DIS3L2: variants seen among roughly 807,000 people sequenced by gnomAD.
DIS3L2 encodes DIS3-like exonuclease 2.
In DIS3L2, 34 loss-of-function variants were observed where a neutral mutation model predicts 97.5. The ratio of observed to expected loss-of-function variants is 0.35; its 90% CI spans 0.27 to 0.46. The LOEUF is 0.46. DIS3L2 is among the 20% of genes least tolerant of loss of function. The pLI, the probability that DIS3L2 is intolerant of heterozygous loss-of-function variation, is 1.00. For synonymous variants in DIS3L2, 435 were observed against 445.2 expected (o/e 0.98, Z 0.29); for missense variants, 1,038 against 1,146.0 (o/e 0.91, Z 1.36).
chr2:232,010,007 C>G (rs1318799063), intron 1 of DIS3L2, among the ~76,000 whole-genome samples: 1 of 152,164 alleles, frequency 6.6e-6, no homozygotes, highest in Non-Finnish European at 1.5e-5. Flanking sequence ...ACAGCTTGTC[C>G]TACCCTGGTA....
At chr2:232,314,134 C>G (rs1459011482) in intron 14 of DIS3L2, among the ~76,000 whole-genome samples, 4 of 152,182 alleles carry the variant, frequency 2.6e-5, no homozygotes, top group Non-Finnish European at 5.9e-5. Flanking sequence ...GCCTGTGGCC[C>G]TAAAGGGCTG....
chr2:232,286,396 A>C (rs533407575), intron 13 of DIS3L2, among the ~76,000 whole-genome samples: 1 of 152,306 alleles, frequency 6.6e-6, no homozygotes, highest in Admixed American at 6.5e-5. Flanking sequence ...CTGCGGCCCA[A>C]GGAGTCCTAC....
At chr2:232,099,259 A>C (rs985476789) in intron 6 of DIS3L2, among the ~76,000 whole-genome samples, 1 of 151,506 alleles carries the variant, frequency 6.6e-6, no homozygotes, top group African/African-American at 2.4e-5. Context: ...TGTGTTGCCC[A>C]GGCTAGAGTG....
At chr2:232,031,655 G>A (rs908933329) in intron 5 of DIS3L2, among the ~76,000 whole-genome samples, 1 of 151,244 alleles carries the variant, frequency 6.6e-6, no homozygotes, top group South Asian at 2.1e-4. Flanking sequence ...CCCCTTGTCC[G>A]CACCCACCGA....
intron 5 of DIS3L2, among the ~76,000 whole-genome samples, chr2:232,042,171 A>C (rs1328299226): frequency 6.6e-6 from 1 of 152,200 alleles, no homozygotes; most frequent in East Asian, 1.9e-4. Flanking sequence ...AAATGCAGAA[A>C]TCAAAGTACA....
At chr2:232,142,032 A>G (rs185267904) in intron 8 of DIS3L2, among the ~76,000 whole-genome samples, 456 of 152,322 alleles carry the variant, frequency 3.0e-3, no homozygotes, top group African/African-American at 9.9e-3. Context: ...ACTGTATCCA[A>G]TCTTTCCCTT....
chr2:232,080,900 C>CAA (rs34838591), intron 5 of DIS3L2, among the ~76,000 whole-genome samples: 2,428 of 116,222 alleles, frequency 0.021, 109 homozygotes, highest in African/African-American at 0.071. Flanking sequence ...AGCTCTGTCT[C>CAA]AAAAAAAAAA....
At chr2:232,315,071 C>T (rs769837445) in intron 14 of DIS3L2, among the ~76,000 whole-genome samples, 13 of 152,154 alleles carry the variant, frequency 8.5e-5, no homozygotes, top group African/African-American at 3.1e-4. Context: ...TACTGCCAGG[C>T]GGTCTTTAAA....
At chr2:232,034,616 T>C (rs1426148865) in intron 5 of DIS3L2, among the ~76,000 whole-genome samples, 1 of 152,222 alleles carries the variant, frequency 6.6e-6, no homozygotes, top group Non-Finnish European at 1.5e-5. Flanking sequence ...GTGCTATAAA[T>C]TTCCTTCTAA....
At position 232,130,894 on chromosome 2, in the gene DIS3L2, C is replaced by G; in HGVS notation, c.702+175C>G. The G allele has an allele frequency of 5.3e-6, 5 of 941,030 alleles. No individual in the cohort carries two copies. The South Asian group carries it at 1.1e-4, about 21-fold the overall frequency. 58.3% of individuals were successfully genotyped at this position (941,030 alleles called of 1,614,324 possible). On this transcript the variant is annotated intron_variant, in intron 7 of 20. Transcript: ENST00000325385. ...AAACTTTAAACATATAAATACGAAT[C>G]CATCTTCCTGCCTTTGGATAAGGGG...
At chr2:232,175,925 TG>T (rs1487005548) in intron 9 of DIS3L2, among the ~76,000 whole-genome samples, 14 of 151,128 alleles carry the variant, frequency 9.3e-5, no homozygotes, top group African/African-American at 3.5e-4. Flanking sequence ...GTTTCACTCT[TG>T]TTGTCCAAAC....
chr2:232,343,209 CA>C, intron 13 of DIS3L2: 1 of 743,050 alleles, frequency 1.3e-6, no homozygotes. Flanking sequence ...TTTCCTGTCA[CA>C]AAAAGGCCAT....
downstream of DIS3L2, among the ~76,000 whole-genome samples, chr2:232,337,983 G>A (rs1696019471): frequency 1.3e-5 from 2 of 150,144 alleles, no homozygotes; most frequent in African/African-American, 2.5e-5. Flanking sequence ...CAGAGGCCAC[G>A]GTCACCCCAT....
chr2:232,154,676 C>T (rs1690428028), intron 8 of DIS3L2, among the ~76,000 whole-genome samples: 1 of 139,844 alleles, frequency 7.2e-6, no homozygotes, highest in Admixed American at 7.2e-5. Flanking sequence ...GCCCTGCCCC[C>T]AGAGGTGGAG....
chr2:232,160,766 G>T (rs1284383564), intron 8 of DIS3L2, among the ~76,000 whole-genome samples: 1 of 152,114 alleles, frequency 6.6e-6, no homozygotes, highest in African/African-American at 2.4e-5. Context: ...TGAGGTGGGA[G>T]TATTGCTTGA....
chr2:232,118,245 G>A (rs1249302930), intron 6 of DIS3L2, among the ~76,000 whole-genome samples: 7 of 152,176 alleles, frequency 4.6e-5, no homozygotes, highest in African/African-American at 7.2e-5. Context: ...GCAATATTTC[G>A]TTGGTTAGAA....
chr2:232,227,048 C>G (rs753556168), intron 10 of DIS3L2, among the ~76,000 whole-genome samples: 17 of 152,122 alleles, frequency 1.1e-4, no homozygotes, highest in Non-Finnish European at 2.1e-4. Flanking sequence ...ATATGGACAG[C>G]TCAGAAATAG....
chr2:232,328,593 A>G (rs1695641460), intron 14 of DIS3L2: 1 of 152,084 alleles, frequency 6.6e-6, no homozygotes, highest in South Asian at 2.1e-4. Flanking sequence ...AGTTGATGGC[A>G]GGGTTCTGGC....
At chr2:232,243,027 A>G (rs1403541625) in intron 11 of DIS3L2, among the ~76,000 whole-genome samples, 3 of 152,202 alleles carry the variant, frequency 2.0e-5, no homozygotes, top group African/African-American at 4.8e-5. Flanking sequence ...AACACTTGCA[A>G]TGCATCAGGC....
Sources: gnomAD v4.1 joint callset for allele counts (sites outside exome capture counted in the v4.1 genomes callset) on GRCh38, gnomAD v4.1.1 for gene constraint, MANE v1.5 for transcripts, NCBI Gene and HGNC (gene_info 2026-07-23, HGNC 2026-07-21) for gene names.